SERPINB4: variants seen among roughly 807,000 people sequenced by gnomAD.
The protein encoded by SERPINB4 is serpin B4.
SERPINB4 carries 39 observed loss-of-function variants against 33.2 expected under a neutral mutation model. The ratio of observed to expected loss-of-function variants is 1.18; its 90% CI spans 0.91 to 1.53. SERPINB4 has a LOEUF of 1.53. Among genes scored for constraint, SERPINB4 ranks in the 40% most tolerant of loss-of-function variants. SERPINB4 has a pLI of 0.00. For synonymous variants in SERPINB4, 191 were observed against 166.4 expected (o/e 1.15, Z -1.14); for missense variants, 564 against 455.4 (o/e 1.24, Z -2.17).
chr18:63,637,737 G>A lies in SERPINB4; in HGVS notation c.1155C>T (p.Gly385=), dbSNP rs1337003083. The change falls in exon 8 of 8, where the codon GGC becomes GGT. Residue 385 remains glycine, a synonymous_variant. Transcript: ENST00000341074. ...ATTGCATCTATGGGGATGAGAATCTGCCATAGAAGAGGATGCTGTTGGTCT... is the reference window on the plus strand; with the variant it reads ...ATTGCATCTATGGGGATGAGAATCTACCATAGAAGAGGATGCTGTTGGTCT... ...QNKTNSILFY[G]RFSSP 1.2e-6 allele frequency: 2 copies of A among 1,609,056 alleles called. No homozygotes were observed. The highest frequency in any genetic ancestry group is 1.7e-6 in the Non-Finnish European group (2 of 1,177,372).
At chr18:63,641,663 T>G in intron 4 of SERPINB4, 97 bp downstream of exon 4, 2 of 1,594,890 alleles carry the variant, frequency 1.3e-6, no homozygotes, top group Non-Finnish European at 1.7e-6. Context: ...TCCACCTGAG[T>G]CGGCCAGGCT....
At position 63,643,191 on chromosome 18, in the gene SERPINB4, C is replaced by T. The variant is rs758251890; in HGVS notation, c.192G>A (p.Glu64=). The T allele has an allele frequency of 1.9e-6, 3 of 1,613,290 alleles. No homozygotes were observed. The highest frequency in any genetic ancestry group is 2.5e-6 in the Non-Finnish European group (3 of 1,179,570). The change falls in exon 3 of 8, where the codon GAG becomes GAA. Residue 64 remains glutamate (E), a synonymous_variant. Transcript: ENST00000341074. ...SKVLHFDQVT[E]NTTEKAATYH... is the part of the protein sequence containing the mutation. ...ATGTTGCAGCTTTTTCTGTGGTGTT[C>T]TCTGTGACTTGATCAAAGTGAAGAA...
At chr18:63,639,925 C>T (rs1182769228) in intron 5 of SERPINB4, 149 bp from the exon 6 acceptor site, 4 of 740,258 alleles carry the variant, frequency 5.4e-6, no homozygotes, top group Non-Finnish European at 8.8e-6. Context: ...TTGTTAGACT[C>T]ACTGACCAGT....
At chr18:63,638,595 C>T (rs533539860) in intron 7 of SERPINB4, among the ~76,000 whole-genome samples, 91 of 151,896 alleles carry the variant, frequency 6.0e-4, no homozygotes, top group Non-Finnish European at 1.2e-3. Flanking sequence ...CCCTTTTCTA[C>T]TCGGCCTATT....
Position 63,639,643 on chromosome 18 carries a change from C to T in SERPINB4, c.603G>A (p.Trp201Ter), listed in dbSNP as rs140456610. 154 of 1,600,440 alleles carry T rather than the reference C, an allele frequency of 9.6e-5. No individual in the cohort carries two copies. The African/African-American group carries it at 1.9e-3, about 20-fold the overall frequency. The stretch of plus-strand genomic sequence containing the variant: ...AAAATATAGACAATACCTTGTTTGG[C>T]CAAAATTTTTCCTCTTTAGTGTTTT... ...KKENTKEEKF[W>*]PNKNTYKSVQ... Residue 201 changes from tryptophan (W) to a stop codon, truncating the protein, a stop_gained, in exon 6 of 8, where the codon TGG becomes TGA. Coordinates refer to ENST00000341074, the MANE Select transcript of SERPINB4 (RefSeq NM_002974.4). LOFTEE classifies it high-confidence loss of function.
At position 63,638,138 on chromosome 18, in the gene SERPINB4, A is replaced by T. The variant is rs1297401847; in HGVS notation, c.769-15T>A. 6.2e-7 allele frequency: 1 copy of T among 1,607,148 alleles called. No homozygotes were observed. Among genetic ancestry groups the T allele is most frequent in the African/African-American group, 1.3e-5 (1 of 74,518 alleles). On this transcript the variant is annotated splice_polypyrimidine_tract_variant and intron_variant, in intron 7 of 7. Transcript: ENST00000341074. ...TTCTCTTCAAGCTATACAAATGGAA[A>T]AAAGAAACTGATATGACTAACTGTC...
Position 63,639,165 on chromosome 18 carries a change from T to C in SERPINB4, c.768+20A>G. The C allele has an allele frequency of 6.4e-7, 1 of 1,573,516 alleles. No homozygotes were observed. The highest frequency in any genetic ancestry group is 8.7e-7 in the Non-Finnish European group (1 of 1,153,194). On this transcript the variant is annotated intron_variant, in intron 7 of 7. Transcript: ENST00000341074. ...AAATGTCCGGCAGTAGAAGGAAGAG[T>C]TGTAGATGCAAGTTCTTACCTTCTG...
rs565241031 is a variant in SERPINB4 at position 63,641,795 on chromosome 18, T to G, written c.316A>C (p.Lys106Gln). Residue 106 changes from lysine to glutamine, a missense_variant, in exon 4 of 8, where the codon AAG becomes CAG. Coordinates refer to ENST00000341074, the MANE Select transcript of SERPINB4 (RefSeq NM_002974.4). ...TGATACGTCTTTTCTCCGAAGAGCT[T>G]GTTGGCGATCTTCAGCTCATATGCA... is the stretch of plus-strand genomic sequence containing the variant. ...TDAYELKIAN[K>Q]LFGEKTYQFL... 72 of 1,613,442 alleles carry G rather than the reference T, an allele frequency of 4.5e-5. No homozygotes were observed. In the South Asian group the frequency reaches 7.6e-4, roughly 17 times the overall value.
In SERPINB4 at chr18:63,640,903, ATCT is replaced by A. The variant is rs749188625; in HGVS notation, c.437_439del (p.Lys146del). The A allele has an allele frequency of 1.1e-5, 17 of 1,612,668 alleles. No individual in the cohort carries two copies. Among genetic ancestry groups the A allele is most frequent in the Admixed American group, 5.0e-5 (3 of 59,832 alleles). The stretch of plus-strand genomic sequence containing the variant: ...CGTTTGACTTTCCACCCAGGAGTTA[ATCT>A]TCTTTCGACTTTCTTCTGGAGCATT... On this transcript the variant is annotated inframe_deletion, in exon 5 of 8. Transcript: ENST00000341074.
chr18:63,642,260 A>C (rs560643505), intron 3 of SERPINB4, among the ~76,000 whole-genome samples: 30 of 152,246 alleles, frequency 2.0e-4, no homozygotes, highest in African/African-American at 7.0e-4. Context: ...GGATACGAGT[A>C]TGTTGAAGGT....
At position 63,637,824 on chromosome 18, in the gene SERPINB4, A is replaced by C. The variant is rs200446603; in HGVS notation, c.1068T>G (p.Ser356=). 12 of 1,613,578 alleles carry C rather than the reference A, an allele frequency of 7.4e-6. No individual in the cohort carries two copies. The East Asian group carries it at 2.7e-4, about 36-fold the overall frequency. The change falls in exon 8 of 8, where the codon TCT becomes TCG. Residue 356 remains serine (S), a synonymous_variant. Coordinates refer to ENST00000341074, the MANE Select transcript of SERPINB4 (RefSeq NM_002974.4). ...ATAVVVVELS[S]PSTNEEFCCN... ...AACAGAACTCTTCATTAGTTGAAGG[A>C]GATGATAATTCGACTACTACTACAG...
At position 63,642,981 on chromosome 18, in the gene SERPINB4, A is replaced by G. The variant is rs1307237810; in HGVS notation, c.222+180T>C. 21 of 710,226 alleles carry G rather than the reference A, an allele frequency of 3.0e-5. No individual in the cohort carries two copies. The Admixed American group carries it at 5.7e-4, about 19-fold the overall frequency. The allele number at this position is 710,226 out of a possible 1,614,324, so 44.0% of individuals were successfully genotyped here. A position where few individuals can be genotyped will look rare whatever the true frequency, so the allele number is the denominator to read the frequency against. On this transcript the variant is annotated intron_variant, in intron 3 of 7. Coordinates refer to ENST00000341074, the MANE Select transcript of SERPINB4 (RefSeq NM_002974.4). Reference sequence around the variant, plus strand: ...GGTACAGTGCTGACTGTCTTTTAGTAACGCAGAAATGAGGAATAATAATTA... The same window carrying G: ...GGTACAGTGCTGACTGTCTTTTAGTGACGCAGAAATGAGGAATAATAATTA...
intron 3 of SERPINB4, among the ~76,000 whole-genome samples, chr18:63,642,192 A>T (rs1390584857): frequency 1.3e-5 from 2 of 152,140 alleles, no homozygotes; most frequent in Non-Finnish European, 2.9e-5. Context: ...TTAGCTTCCC[A>T]GTTAAACTCT....
chr18:63,640,484 T>C (rs1367877765), intron 5 of SERPINB4, among the ~76,000 whole-genome samples: 1 of 152,080 alleles, frequency 6.6e-6, no homozygotes, highest in East Asian at 1.9e-4. Context: ...GCTGCTTGTT[T>C]CCCAATTAGT....
In SERPINB4 at chr18:63,641,821, T is replaced by C; in HGVS notation, c.290A>G (p.Asp97Gly). 1 of 1,613,506 alleles carries C rather than the reference T, an allele frequency of 6.2e-7. No individual in the cohort carries two copies. The highest frequency in any genetic ancestry group is 8.5e-7 in the Non-Finnish European group (1 of 1,179,572). The change falls in exon 4 of 8, where the codon GAT (aspartate) becomes GGT (glycine). Residue 97 changes from aspartate (D) to glycine (G), a missense_variant. Transcript: ENST00000341074. The part of the protein sequence containing the change: ...KLLTEFNKST[D>G]AYELKIANKL... Reference sequence around the variant, plus strand: ...GTTGGCGATCTTCAGCTCATATGCATCAGTGGATTTGTTGAATTCAGTCAG... The same window carrying C: ...GTTGGCGATCTTCAGCTCATATGCACCAGTGGATTTGTTGAATTCAGTCAG...
In SERPINB4 at chr18:63,637,430, A is replaced by C. The variant is rs1340114060; in HGVS notation, c.*289T>G. On this transcript the variant is annotated 3_prime_UTR_variant, in exon 8 of 8. Coordinates refer to ENST00000341074, the MANE Select transcript of SERPINB4 (RefSeq NM_002974.4). ...TTCATTTAAAACAGGTCAGAAACAG[A>C]ATTATATTTCAAATTTAGAAGACAC... 1 of 279,906 alleles carries C rather than the reference A, an allele frequency of 3.6e-6. No homozygotes were observed. Among genetic ancestry groups the C allele is most frequent in the Non-Finnish European group, 6.6e-6 (1 of 150,646 alleles). The allele number at this position is 279,906 out of a possible 1,614,324, so 17.3% of individuals were successfully genotyped here. A position where few individuals can be genotyped will look rare whatever the true frequency, so the allele number is the denominator to read the frequency against.
At chr18:63,640,829 G>A (rs749814353) in intron 5 of SERPINB4, 45 bp downstream of exon 5, 3 of 1,521,186 alleles carry the variant, frequency 2.0e-6, no homozygotes, top group Non-Finnish European at 2.7e-6. Context: ...AGGCTCACTG[G>A]CATAGGTTTC....
At chr18:63,640,777 T>C in intron 5 of SERPINB4, 97 bp downstream of exon 5, 1 of 1,043,874 alleles carries the variant, frequency 9.6e-7, no homozygotes, top group Non-Finnish European at 1.4e-6. Flanking sequence ...TGCAAACCCA[T>C]CTCAATCCCC....
Position 63,637,836 on chromosome 18 carries a change from G to C in SERPINB4, c.1056C>G (p.Val352=). 6.2e-7 allele frequency: 1 copy of C among 1,613,426 alleles called. No homozygotes were observed. Residue 352 remains valine, a synonymous_variant, in exon 8 of 8, where the codon GTC becomes GTG. Coordinates refer to ENST00000341074, the MANE Select transcript of SERPINB4 (RefSeq NM_002974.4). Reference sequence around the variant, plus strand: ...CATTAGTTGAAGGAGATGATAATTCGACTACTACTACAGCGGTGGCAGCTG... The same window carrying C: ...CATTAGTTGAAGGAGATGATAATTCCACTACTACTACAGCGGTGGCAGCTG... ...EAAAATAVVV[V]ELSSPSTNEE...
Sources: gnomAD v4.1 joint callset for allele counts (sites outside exome capture counted in the v4.1 genomes callset) on GRCh38, gnomAD v4.1.1 for gene constraint, MANE v1.5 for transcripts, NCBI Gene and HGNC (gene_info 2026-07-23, HGNC 2026-07-21) for gene names.